The following NPAS1 variants were observed in gnomAD, a reference collection of about 807,000 sequenced individuals.
The protein encoded by NPAS1 is neuronal PAS domain protein 1.
In NPAS1, 29 loss-of-function variants were observed where a neutral mutation model predicts 49.2. The ratio of observed to expected loss-of-function variants is 0.59; its 90% CI spans 0.44 to 0.80. NPAS1 has a LOEUF of 0.80. Among genes scored for constraint, NPAS1 ranks in the 30% least tolerant of loss-of-function variants. The probability of loss-of-function intolerance (pLI) is 0.00; values close to 1 mark genes in which losing one functional copy is unlikely to be tolerated. For synonymous variants in NPAS1, 408 were observed against 380.4 expected, an observed-to-expected ratio of 1.07 and a Z score of -0.84; for missense variants, 825 against 835.5, an observed-to-expected ratio of 0.99 and a Z score of 0.15.
chr19:47,025,445 A>AT (rs772942287), intron 3 of NPAS1, among the ~76,000 whole-genome samples: 2 of 82,580 alleles, frequency 2.4e-5, no homozygotes, highest in Non-Finnish European at 6.5e-5. Context: ...CGCCCAGCTA[A>AT]TTTTGTATTT....
chr19:47,029,395 A>ATTT (rs1011767749), intron 3 of NPAS1, among the ~76,000 whole-genome samples: 17 of 66,118 alleles, frequency 2.6e-4, no homozygotes, highest in Admixed American at 1.4e-3. Context: ...TAGTATTTTT[A>ATTT]TTTATTATTA....
In NPAS1 at chr19:47,021,019, C is replaced by CG; in HGVS notation, c.-27dup. ...CTCCCGCTGCAGGAGACTCGGGGCT[C>CG]GGAGCCCGCCTGAGCGAGCCCCCCG... On this transcript the variant is annotated 5_prime_UTR_variant, in exon 2 of 12. The change abolishes the stop of an existing upstream ORF in the 5' untranslated region. Transcript: ENST00000602212. This position sits in a 1 kb window ranked among gnomAD's most constrained non-coding sequence, Gnocchi z 5.7. 1 of 1,577,600 alleles carries CG rather than the reference C, an allele frequency of 6.3e-7. No individual in the cohort carries two copies. The highest frequency in any genetic ancestry group is 8.6e-7 in the Non-Finnish European group (1 of 1,165,544).
chr19:47,043,249 C>T (rs1265655902), intron 11 of NPAS1, among the ~76,000 whole-genome samples: 1 of 122,614 alleles, frequency 8.2e-6, no homozygotes, highest in Admixed American at 9.9e-5. Context: ...CACTGCACTC[C>T]AGCCTAGCGA....
chr19:47,021,562 C>T lies in NPAS1; in HGVS notation c.123-50C>T. On this transcript the variant is annotated intron_variant, in intron 2 of 11. Coordinates refer to ENST00000602212, the MANE Select transcript of NPAS1 (RefSeq NM_002517.4). This position sits in a 1 kb window ranked among gnomAD's most constrained non-coding sequence, Gnocchi z 5.7. Reference sequence around the variant, plus strand: ...GCGGGGCTCGCCCCCAGTTCCCAAGCCCCTGAGCCCCGGGGCCCCGCCGAC... The same window carrying T: ...GCGGGGCTCGCCCCCAGTTCCCAAGTCCCTGAGCCCCGGGGCCCCGCCGAC... 1 of 1,295,368 alleles carries T rather than the reference C, an allele frequency of 7.7e-7. No homozygotes were observed. The highest frequency in any genetic ancestry group is 1.0e-6 in the Non-Finnish European group (1 of 980,258). 80.2% of individuals were successfully genotyped at this position (1,295,368 alleles called of 1,614,324 possible).
intron 5 of NPAS1, among the ~76,000 whole-genome samples, chr19:47,033,236 T>G (rs1480111497): frequency 2.7e-5 from 4 of 147,770 alleles, no homozygotes; most frequent in African/African-American, 5.0e-5. Context: ...TCCTGGCTGA[T>G]GAGGGCTATT....
At chr19:47,032,542 C>G in intron 4 of NPAS1, 101 bp from the exon 5 acceptor site, 1 of 1,212,670 alleles carries the variant, frequency 8.2e-7, no homozygotes, top group Admixed American at 1.7e-5. Flanking sequence ...AACAGTCCAC[C>G]TCAGGTGGAG....
At chr19:47,038,517 A>G in intron 6 of NPAS1, among the ~76,000 whole-genome samples, 1 of 100,794 alleles carries the variant, frequency 9.9e-6, no homozygotes, top group Non-Finnish European at 2.0e-5. Flanking sequence ...CTCCAGCTCA[A>G]AAAAAAAAAA....
intron 6 of NPAS1, among the ~76,000 whole-genome samples, chr19:47,038,589 G>T (rs944284630): frequency 1.3e-5 from 2 of 151,380 alleles, no homozygotes; most frequent in African/African-American, 4.9e-5. Context: ...CACCTTGGGA[G>T]GCCAAGGAGG....
rs1321518347 is a variant in NPAS1 at position 47,021,872 on chromosome 19, G to A, written c.358+25G>A. ...GGTGAGTGCTCATGCGCGGGGCGAG[G>A]GTCCCGGGGCCCTCCAGGCGGAGTC... On this transcript the variant is annotated intron_variant, in intron 3 of 11. Transcript: ENST00000602212. This position sits in a 1 kb window ranked among gnomAD's most constrained non-coding sequence, Gnocchi z 5.7. The A allele has an allele frequency of 2.9e-6, 4 of 1,386,466 alleles. No individual in the cohort carries two copies. The highest frequency in any genetic ancestry group is 1.5e-5 in the African/African-American group (1 of 65,618). 85.9% of individuals were successfully genotyped at this position (1,386,466 alleles called of 1,614,324 possible).
rs1414644501 is a variant in NPAS1 at position 47,036,026 on chromosome 19, G to A, written c.585G>A (p.Leu195=). 1 of 1,603,286 alleles carries A rather than the reference G, an allele frequency of 6.2e-7. No homozygotes were observed. The highest frequency in any genetic ancestry group is 8.5e-7 in the Non-Finnish European group (1 of 1,174,698). The change falls in exon 6 of 12, where the codon CTG becomes CTA. Residue 195 remains leucine (L), a synonymous_variant. Transcript: ENST00000602212. The stretch of plus-strand genomic sequence containing the variant: ...ACCCTGGGGACCACTCAGAGGTGCT[G>A]GAGCAACTGGGGCTGCGGACGCCGA... ...YIHPGDHSEV[L]EQLGLRTPTP...
intron 10 of NPAS1, among the ~76,000 whole-genome samples, chr19:47,042,299 A>T (rs879823695): frequency 6.6e-6 from 1 of 152,114 alleles, no homozygotes; most frequent in Non-Finnish European, 1.5e-5. Context: ...ACACAGTGAG[A>T]CTCCATCTCA....
Position 47,040,447 on chromosome 19 carries a change from C to G in NPAS1, c.966C>G (p.Val322=). ...GLTILACESR[V]SDHMDLGPSE... ...CCTCTTCTCTGTCACCCCCCAGAGTCAGCGACCACATGGACCTGGGGCCCT... is the reference window on the plus strand; with the variant it reads ...CCTCTTCTCTGTCACCCCCCAGAGTGAGCGACCACATGGACCTGGGGCCCT... The change falls in exon 9 of 12, where the codon GTC becomes GTG. Residue 322 remains valine, a synonymous_variant. Coordinates refer to ENST00000602212, the MANE Select transcript of NPAS1 (RefSeq NM_002517.4). 1 of 1,590,530 alleles carries G rather than the reference C, an allele frequency of 6.3e-7. No homozygotes were observed.
At chr19:47,031,195 T>G (rs7408732) in intron 3 of NPAS1, among the ~76,000 whole-genome samples, 33,942 of 118,250 alleles carry the variant, frequency 0.29, 5,500 homozygotes, top group African/African-American at 0.52. Context: ...GTGTGTGTGT[T>G]TTTTTTTTTT....
rs947332760 is a variant in NPAS1, at chr19:47,021,562, C to G, written c.123-50C>G. Reference sequence around the variant, plus strand: ...GCGGGGCTCGCCCCCAGTTCCCAAGCCCCTGAGCCCCGGGGCCCCGCCGAC... The same window carrying G: ...GCGGGGCTCGCCCCCAGTTCCCAAGGCCCTGAGCCCCGGGGCCCCGCCGAC... On this transcript the variant is annotated intron_variant, in intron 2 of 11. Transcript: ENST00000602212. This position sits in a 1 kb window ranked among gnomAD's most constrained non-coding sequence, Gnocchi z 5.7. 24 of 1,295,264 alleles carry G rather than the reference C, an allele frequency of 1.9e-5. No homozygotes were observed. Among genetic ancestry groups the G allele is most frequent in the Non-Finnish European group, 2.3e-5 (23 of 980,266 alleles). The allele number at this position is 1,295,264 out of a possible 1,614,324, so 80.2% of individuals were successfully genotyped here.
chr19:47,042,593 G>A (rs937753124), intron 10 of NPAS1, among the ~76,000 whole-genome samples: 9 of 152,214 alleles, frequency 5.9e-5, no homozygotes, highest in African/African-American at 1.2e-4. Context: ...GGTGGCCACC[G>A]GCTATCCAGG....
intron 3 of NPAS1, among the ~76,000 whole-genome samples, chr19:47,031,530 T>C (rs2056905597): frequency 1.2e-5 from 1 of 85,646 alleles, no homozygotes; most frequent in Non-Finnish European, 2.3e-5. Flanking sequence ...CTTTTTTCTT[T>C]CTTTCTTTTT....
In NPAS1 at chr19:47,036,040, T is replaced by TGCGGAC; in HGVS notation, c.602_607dup (p.Arg201_Thr202dup). 2 of 1,605,822 alleles carry TGCGGAC rather than the reference T, an allele frequency of 1.2e-6. No homozygotes were observed. Among genetic ancestry groups the TGCGGAC allele is most frequent in the Non-Finnish European group, 1.7e-6 (2 of 1,176,054 alleles). On this transcript the variant is annotated inframe_insertion, in exon 6 of 12. Transcript: ENST00000602212. ...TCAGAGGTGCTGGAGCAACTGGGGC[T>TGCGGAC]GCGGACGCCGACGCCCGGCCCCCCA...
At position 47,042,885 on chromosome 19, in the gene NPAS1, C is replaced by T. The variant is rs1230813566; in HGVS notation, c.1293C>T (p.Ser431=). 6.2e-7 allele frequency: 1 copy of T among 1,602,352 alleles called. No homozygotes were observed. Among genetic ancestry groups the T allele is most frequent in the Non-Finnish European group, 8.5e-7 (1 of 1,174,752 alleles). ...PASVACEEAS[S]PGPEPTEPEP... ...GCGTGGCCTGTGAGGAGGCATCCAG[C>T]CCGGGGCCAGAGCCCACAGGTGAGC... Residue 431 remains serine, a synonymous_variant, in exon 11 of 12, where the codon AGC becomes AGT. Coordinates refer to ENST00000602212, the MANE Select transcript of NPAS1 (RefSeq NM_002517.4).
In NPAS1 at chr19:47,039,485, CT is replaced by C. The variant is rs765475465; in HGVS notation, c.884del (p.Leu295ArgfsTer10). ...ALGHTLPPAP[L>X]AELPLHGHMI... The stretch of plus-strand genomic sequence containing the variant: ...CGGGCACACGTTGCCCCCGGCCCCC[CT>C]GGCTGAGCTGCCACTCCATGGACAC... On this transcript the variant is annotated frameshift_variant, in exon 8 of 12. Transcript: ENST00000602212. LOFTEE classifies it high-confidence loss of function. 3 of 1,611,030 alleles carry C rather than the reference CT, an allele frequency of 1.9e-6. No homozygotes were observed. Among genetic ancestry groups the C allele is most frequent in the Middle Eastern group, 1.8e-4 (1 of 5,510 alleles).
Sources: gnomAD v4.1 joint callset for allele counts (sites outside exome capture counted in the v4.1 genomes callset) on GRCh38, gnomAD v4.1.1 for gene constraint, Gnocchi (gnomAD v3.1) non-coding constraint, MANE v1.5 for transcripts, NCBI Gene and HGNC (gene_info 2026-07-23, HGNC 2026-07-21) for gene names.